XPO6: variants seen among roughly 807,000 people sequenced by gnomAD.
XPO6 encodes exportin 6.
In XPO6, 3 loss-of-function variants were observed where a neutral mutation model predicts 130.0. That is an observed-to-expected ratio of 0.02 (90% CI 0.01 to 0.06). The LOEUF is 0.06. XPO6 is among the 10% of genes least tolerant of loss of function. The pLI, the probability that XPO6 is intolerant of heterozygous loss-of-function variation, is 1.00. For synonymous variants in XPO6, 524 were observed against 548.9 expected, an observed-to-expected ratio of 0.95 and a Z score of 0.63; for missense variants, 970 against 1,393.0, an observed-to-expected ratio of 0.70 and a Z score of 4.83.
chr16:28,130,468 G>A (rs937524373), intron 12 of XPO6, among the ~76,000 whole-genome samples: 6 of 152,232 alleles, frequency 3.9e-5, no homozygotes, highest in East Asian at 3.8e-4. Context: ...ATGGGAACCA[G>A]GGGAAAAAAT....
intron 4 of XPO6, among the ~76,000 whole-genome samples, chr16:28,174,562 C>A (rs2043504826): frequency 6.6e-6 from 1 of 152,172 alleles, no homozygotes; most frequent in South Asian, 2.1e-4. Context: ...AGGCATGAAT[C>A]TCCTTTGCAG....
chr16:28,160,134 G>C (rs1016431187), intron 6 of XPO6, among the ~76,000 whole-genome samples: 3 of 139,236 alleles, frequency 2.2e-5, no homozygotes, highest in Non-Finnish European at 4.5e-5. Flanking sequence ...GCAGTAAGTA[G>C]AGATTGCACC....
intron 1 of XPO6, among the ~76,000 whole-genome samples, chr16:28,202,934 G>C (rs2141910854): frequency 6.6e-6 from 1 of 152,286 alleles, no homozygotes; most frequent in East Asian, 1.9e-4. Context: ...GCATTAAACT[G>C]AACTCAGCAC....
chr16:28,154,337 T>A (rs113624122), intron 7 of XPO6: 11 of 946,408 alleles, frequency 1.2e-5, no homozygotes, highest in African/African-American at 5.3e-5. Flanking sequence ...CCCAATTTTT[T>A]AAAAATACAA....
At chr16:28,116,811 A>C (rs377114627) in intron 15 of XPO6, among the ~76,000 whole-genome samples, 1 of 152,242 alleles carries the variant, frequency 6.6e-6, no homozygotes, top group Non-Finnish European at 1.5e-5. Context: ...TATAGTAACA[A>C]AAAAGTCTGA....
chr16:28,204,920 G>A (rs555419337), intron 1 of XPO6, among the ~76,000 whole-genome samples: 98 of 152,274 alleles, frequency 6.4e-4, no homozygotes, highest in Middle Eastern at 6.8e-3. Context: ...AATAATGCCA[G>A]GCGTGGGGAC....
Position 28,106,553 on chromosome 16 carries a change from C to T in XPO6, c.2498-56G>A. ...GCTTGCACACAGTGAGAACCAGAACCCTGGGCTTCATCAACCTACTCCTGA... is the reference window on the plus strand; with the variant it reads ...GCTTGCACACAGTGAGAACCAGAACTCTGGGCTTCATCAACCTACTCCTGA... On this transcript the variant is annotated intron_variant, in intron 18 of 23. Coordinates refer to ENST00000304658, the MANE Select transcript of XPO6 (RefSeq NM_015171.4). This position sits in a 1 kb window ranked among gnomAD's most constrained non-coding sequence, Gnocchi z 4.2. 1.4e-6 allele frequency: 2 copies of T among 1,441,994 alleles called. No homozygotes were observed. Among genetic ancestry groups the T allele is most frequent in the South Asian group, 2.3e-5 (2 of 87,314 alleles). 89.3% of individuals were successfully genotyped at this position (1,441,994 alleles called of 1,614,324 possible).
At chr16:28,153,966 GC>G (rs2043140025) in intron 7 of XPO6, 3 of 985,180 alleles carry the variant, frequency 3.0e-6, no homozygotes, top group Non-Finnish European at 3.6e-6. Context: ...GAGCTTATTT[GC>G]AGCTTTTTAA....
chr16:28,189,506 G>A (rs113722908), intron 1 of XPO6, among the ~76,000 whole-genome samples: 3,327 of 152,020 alleles, frequency 0.022, 106 homozygotes, highest in African/African-American at 0.076. Context: ...ATAGGACAGC[G>A]TAAGGCCAAG....
intron 1 of XPO6, among the ~76,000 whole-genome samples, chr16:28,207,675 A>C (rs2141919367): frequency 6.6e-6 from 1 of 152,324 alleles, no homozygotes; most frequent in South Asian, 2.1e-4. Flanking sequence ...CTTCCTTCCC[A>C]TGAGGCAGCA....
chr16:28,150,428 T>A (rs888101865), intron 8 of XPO6, among the ~76,000 whole-genome samples: 1 of 152,066 alleles, frequency 6.6e-6, no homozygotes. Context: ...TCATAAAAAA[T>A]AAGCCAGGGG....
intron 17 of XPO6, 74 bp from the exon 18 acceptor site, chr16:28,107,751 G>C (rs2086818706): frequency 6.4e-7 from 1 of 1,554,642 alleles, no homozygotes; most frequent in African/African-American, 1.4e-5. Context: ...ACAAGGGAGA[G>C]GGAGGAAACT....
intron 20 of XPO6, among the ~76,000 whole-genome samples, chr16:28,105,192 G>C (rs1265821389): frequency 6.6e-6 from 1 of 152,188 alleles, no homozygotes; most frequent in Non-Finnish European, 1.5e-5. Flanking sequence ...ACGCCTTAAA[G>C]CGATTCTGCT....
At chr16:28,118,894 C>G (rs1486174968) in intron 14 of XPO6, among the ~76,000 whole-genome samples, 1 of 152,136 alleles carries the variant, frequency 6.6e-6, no homozygotes, top group Non-Finnish European at 1.5e-5. Flanking sequence ...CTCCAAGGTG[C>G]TCTGGAGAAT....
intron 6 of XPO6, 87 bp downstream of exon 6, chr16:28,166,421 G>C (rs1182436364): frequency 2.1e-6 from 3 of 1,429,806 alleles, no homozygotes; most frequent in Non-Finnish European, 2.9e-6. Flanking sequence ...AGCCTCCTCA[G>C]TACTGAGGAC....
At chr16:28,144,145 ATTAC>A (rs1343232731) in intron 9 of XPO6, among the ~76,000 whole-genome samples, 4 of 152,170 alleles carry the variant, frequency 2.6e-5, no homozygotes, top group Non-Finnish European at 5.9e-5. Context: ...CAAAAACATA[ATTAC>A]TTAAAGTTGG....
intron 9 of XPO6, 107 bp downstream of exon 9, chr16:28,145,987 A>G (rs2042975859): frequency 1.3e-6 from 1 of 775,124 alleles, no homozygotes; most frequent in Non-Finnish European, 2.2e-6. Context: ...TAAACAGCTT[A>G]CATGACTCAG....
At position 28,136,143 on chromosome 16, in the gene XPO6, T is replaced by G. The variant is rs2141292033; in HGVS notation, c.1335-819A>C. On this transcript the variant is annotated intron_variant, in intron 9 of 23. Transcript: ENST00000304658. ...AAACTGCCCAAGGCCACAAAGCTAT[T>G]TCGAACCTAGGGCCCCCTAATTCAA... Among the ~76,000 whole-genome samples the G allele has an allele frequency of 1.3e-5, 2 of 152,322 alleles. 1 individual carries two copies. The highest frequency in any genetic ancestry group is 4.1e-4 in the South Asian group (2 of 4,828).
At chr16:28,189,485 G>C (rs2043751017) in intron 1 of XPO6, among the ~76,000 whole-genome samples, 1 of 151,978 alleles carries the variant, frequency 6.6e-6, no homozygotes, top group African/African-American at 2.4e-5. Context: ...CCTTTCCTTA[G>C]CCTGACTGTG....
Sources: gnomAD v4.1 joint callset for allele counts (sites outside exome capture counted in the v4.1 genomes callset) on GRCh38, gnomAD v4.1.1 for gene constraint, Gnocchi (gnomAD v3.1) non-coding constraint, MANE v1.5 for transcripts, NCBI Gene and HGNC (gene_info 2026-07-23, HGNC 2026-07-21) for gene names.